Variants in PCDH15 observed in about 807,000 individuals in gnomAD.
The protein encoded by PCDH15 is protocadherin related 15.
Under a neutral mutation model 178.5 loss-of-function variants are expected in PCDH15, and 129 were observed. The observed-to-expected ratio is 0.72, with a 90% confidence interval of 0.63 to 0.84. The LOEUF (loss-of-function observed/expected upper bound fraction) is 0.84. Among genes scored for constraint, PCDH15 ranks in the 40% least tolerant of loss-of-function variants. PCDH15 has a pLI of 0.00. For missense variants in PCDH15, 2,230 were observed against 2,099.9 expected (o/e 1.06, Z -1.21); for synonymous variants, 800 against 732.0 (o/e 1.09, Z -1.50).
At chr10:54,852,753 T>A (rs1490672817) in intron 3 of PCDH15, among the ~76,000 whole-genome samples, 1 of 151,706 alleles carries the variant, frequency 6.6e-6, no homozygotes, top group African/African-American at 2.4e-5. Flanking sequence ...CTCAGGAGGC[T>A]GAGGCAGGAG....
At chr10:55,053,081 C>T (rs1043293806) in intron 2 of PCDH15, among the ~76,000 whole-genome samples, 1 of 152,154 alleles carries the variant, frequency 6.6e-6, no homozygotes, top group African/African-American at 2.4e-5. Context: ...AAATAGCATT[C>T]ACAAAAGGAC....
intron 3 of PCDH15, among the ~76,000 whole-genome samples, chr10:54,837,362 C>G (rs1953334207): frequency 6.6e-6 from 1 of 152,020 alleles, no homozygotes. Context: ...ATATACACCC[C>G]TAAACACACA....
At chr10:53,848,704 T>C (rs973975460) in intron 28 of PCDH15, among the ~76,000 whole-genome samples, 1 of 152,032 alleles carries the variant, frequency 6.6e-6, no homozygotes, top group Non-Finnish European at 1.5e-5. Context: ...GATAAGAACA[T>C]TTTAAACACT....
chr10:53,803,041 A>G lies in PCDH15; in HGVS notation c.*3538T>C, dbSNP rs910846759. On this transcript the variant is annotated 3_prime_UTR_variant, in exon 38 of 38. Coordinates refer to ENST00000644397, the MANE Select transcript of PCDH15 (RefSeq NM_001384140.1). ...TACCAGTCTATAACTAAAGCTTCTTATGATAAAGATCAAAATTAACTATTG... is the reference window on the plus strand; with the variant it reads ...TACCAGTCTATAACTAAAGCTTCTTGTGATAAAGATCAAAATTAACTATTG... 2 of 151,914 alleles carry G rather than the reference A, an allele frequency of 1.3e-5. No individual in the cohort carries two copies. The highest frequency in any genetic ancestry group is 2.9e-5 in the Non-Finnish European group (2 of 67,828). The allele number at this position is 151,914 out of a possible 1,614,324, so 9.4% of individuals were successfully genotyped here.
intron 11 of PCDH15, among the ~76,000 whole-genome samples, chr10:54,189,183 T>A (rs1471939876): frequency 6.6e-6 from 1 of 151,958 alleles, no homozygotes; most frequent in East Asian, 1.9e-4. Flanking sequence ...AACTTTAAAA[T>A]ATTTTTAAAT....
At chr10:55,436,663 C>T (rs1839046720) in intron 2 of PCDH15, among the ~76,000 whole-genome samples, 1 of 151,946 alleles carries the variant, frequency 6.6e-6, no homozygotes, top group Non-Finnish European at 1.5e-5. Flanking sequence ...TAAGTTTATA[C>T]AAGAAAATAA....
At chr10:54,016,764 A>C (rs1050520909) in intron 20 of PCDH15, among the ~76,000 whole-genome samples, 6 of 152,190 alleles carry the variant, frequency 3.9e-5, no homozygotes, top group Non-Finnish European at 8.8e-5. Flanking sequence ...GAGGATAAAA[A>C]AACTACCTAT....
At chr10:54,786,179 T>C (rs1180847141) in intron 1 of PCDH15, among the ~76,000 whole-genome samples, 1 of 152,020 alleles carries the variant, frequency 6.6e-6, no homozygotes, top group Non-Finnish European at 1.5e-5. Flanking sequence ...ACCGGCAGCT[T>C]GATGAGAGCA....
At chr10:54,093,554 T>C (rs1464440503) in intron 15 of PCDH15, among the ~76,000 whole-genome samples, 1 of 152,144 alleles carries the variant, frequency 6.6e-6, no homozygotes, top group East Asian at 1.9e-4. Flanking sequence ...CCTTCAAGTA[T>C]TAGGATTTGA....
intron 2 of PCDH15, among the ~76,000 whole-genome samples, chr10:55,065,209 C>T (rs1841532582): frequency 1.3e-5 from 2 of 151,938 alleles, no homozygotes; most frequent in South Asian, 4.1e-4. Context: ...ATAAAGTTTC[C>T]TGTCTATAGC....
intron 2 of PCDH15, among the ~76,000 whole-genome samples, chr10:55,430,263 C>G (rs1268668847): frequency 6.6e-6 from 1 of 151,816 alleles, no homozygotes; most frequent in Non-Finnish European, 1.5e-5. Flanking sequence ...TGCACTCCAG[C>G]CTGGCTGATG....
At chr10:55,413,826 A>C (rs1838407799) in intron 2 of PCDH15, among the ~76,000 whole-genome samples, 1 of 151,590 alleles carries the variant, frequency 6.6e-6, no homozygotes, top group African/African-American at 2.4e-5. Flanking sequence ...GGTTAGAGAA[A>C]ACTGAATAAA....
At chr10:54,958,405 T>C (rs748666910) in intron 2 of PCDH15, among the ~76,000 whole-genome samples, 3 of 151,784 alleles carry the variant, frequency 2.0e-5, no homozygotes, top group Non-Finnish European at 3.0e-5. Flanking sequence ...AACAAATGCA[T>C]TCAAAGTCAC....
intron 2 of PCDH15, among the ~76,000 whole-genome samples, chr10:55,417,631 T>C (rs1838516286): frequency 6.6e-6 from 1 of 151,664 alleles, no homozygotes; most frequent in Admixed American, 6.6e-5. Flanking sequence ...AAAGCTAGGA[T>C]TCTTTAGCCA....
At chr10:55,399,911 A>C (rs1838023472) in intron 2 of PCDH15, among the ~76,000 whole-genome samples, 1 of 152,072 alleles carries the variant, frequency 6.6e-6, no homozygotes. Flanking sequence ...AAAGCCCCAC[A>C]TATTATTATT....
chr10:54,753,084 A>G (rs1374477135), intron 1 of PCDH15, among the ~76,000 whole-genome samples: 1 of 152,236 alleles, frequency 6.6e-6, no homozygotes, highest in South Asian at 2.1e-4. Flanking sequence ...AGTTACCCAC[A>G]TATAAATATT....
intron 26 of PCDH15, among the ~76,000 whole-genome samples, chr10:53,902,555 T>C (rs1033123548): frequency 2.0e-5 from 3 of 152,152 alleles, no homozygotes; most frequent in African/African-American, 7.2e-5. Context: ...TAAAATTCAA[T>C]CTTTAAAATT....
intron 28 of PCDH15, among the ~76,000 whole-genome samples, chr10:53,854,957 A>G (rs1386650536): frequency 1.3e-5 from 2 of 152,036 alleles, no homozygotes; most frequent in Admixed American, 1.3e-4. Flanking sequence ...TTTCCTATTT[A>G]TATCATCCTA....
intron 2 of PCDH15, among the ~76,000 whole-genome samples, chr10:54,909,944 G>A (rs1252184329): frequency 6.6e-6 from 1 of 152,138 alleles, no homozygotes; most frequent in Non-Finnish European, 1.5e-5. Flanking sequence ...TCTGGGGACT[G>A]TCCTTCTCTT....
Sources: gnomAD v4.1 joint callset for allele counts (sites outside exome capture counted in the v4.1 genomes callset) on GRCh38, gnomAD v4.1.1 for gene constraint, MANE v1.5 for transcripts, NCBI Gene and HGNC (gene_info 2026-07-23, HGNC 2026-07-21) for gene names.